Variants in HEATR4 observed in about 807,000 individuals in gnomAD.
HEATR4 encodes the protein HEAT repeat containing 4.
In HEATR4, 95 loss-of-function variants were observed where a neutral mutation model predicts 108.8. The ratio of observed to expected loss-of-function variants is 0.87; its 90% CI spans 0.74 to 1.04. The LOEUF is 1.04. HEATR4 is among the 50% of genes least tolerant of loss of function. The pLI, the probability that HEATR4 is intolerant of heterozygous loss-of-function variation, is 0.00. For synonymous variants in HEATR4, 443 were observed against 459.4 expected (o/e 0.96, Z 0.46); for missense variants, 1,152 against 1,253.8 (o/e 0.92, Z 1.23).
the HEATR4 span, among the ~76,000 whole-genome samples, chr14:73,607,635 T>C: frequency 6.6e-6 from 1 of 152,124 alleles, no homozygotes; most frequent in Admixed American, 6.5e-5. Context: ...CTTTCTTTTT[T>C]TTTTGGAGGA....
chr14:73,499,008 T>C (rs936230952), intron 13 of HEATR4, 63 bp downstream of exon 13: 99 of 1,426,632 alleles, frequency 6.9e-5, no homozygotes, highest in Middle Eastern at 1.7e-4. Context: ...CAGGGGATCA[T>C]TTCTACTTGC....
At chr14:73,588,322 G>A in the HEATR4 span, among the ~76,000 whole-genome samples, 29 of 151,870 alleles carry the variant, frequency 1.9e-4, no homozygotes, top group Middle Eastern at 3.4e-3. Context: ...TTTTAAAAGC[G>A]TCCTTTCCTG....
At chr14:73,591,887 C>T in the HEATR4 span, 5 of 1,307,988 alleles carry the variant, frequency 3.8e-6, no homozygotes, top group African/African-American at 1.6e-5. Context: ...GCCGTCCGGA[C>T]ATTCGGCGCG....
chr14:73,618,143 C>CA, the HEATR4 span, among the ~76,000 whole-genome samples: 20 of 150,008 alleles, frequency 1.3e-4, 1 homozygote, highest in South Asian at 3.0e-3. Flanking sequence ...AACCCCATCT[C>CA]AAAAAAAAAC....
chr14:73,488,141 T>C (rs745967301), intron 17 of HEATR4, among the ~76,000 whole-genome samples: 1 of 152,172 alleles, frequency 6.6e-6, no homozygotes, highest in Non-Finnish European at 1.5e-5. Flanking sequence ...TTTGGCTCTG[T>C]GTCCCCACCC....
In HEATR4 at chr14:73,537,208, G is replaced by A; in HGVS notation, c.-151-6964C>T. The A allele has an allele frequency of 9.3e-6, 4 of 432,042 alleles. 1 individual carries two copies. Among genetic ancestry groups the A allele is most frequent in the Non-Finnish European group, 1.5e-5 (4 of 268,556 alleles). The allele number at this position is 432,042 out of a possible 1,614,324, so 26.8% of individuals were successfully genotyped here. A position where few individuals can be genotyped will look rare whatever the true frequency, so the allele number is the denominator to read the frequency against. Reference sequence around the variant, plus strand: ...AGTTGCTTTCCAACATAAAGTGGAGGTTTCAACACAGGAGACTTTAAGCAA... The same window carrying A: ...AGTTGCTTTCCAACATAAAGTGGAGATTTCAACACAGGAGACTTTAAGCAA... On this transcript the variant is annotated intron_variant, in intron 1 of 17. Transcript: ENST00000553558.
At chr14:73,584,403 C>T in the HEATR4 span, among the ~76,000 whole-genome samples, 58 of 152,008 alleles carry the variant, frequency 3.8e-4, no homozygotes, top group East Asian at 7.7e-4. Context: ...GAAGTTGCTG[C>T]AGACCTGTAC....
At chr14:73,586,241 A>G in the HEATR4 span, among the ~76,000 whole-genome samples, 1 of 150,880 alleles carries the variant, frequency 6.6e-6, no homozygotes, top group African/African-American at 2.4e-5. Context: ...TAAACATACA[A>G]AATTAGCTGG....
rs1229100147 is a variant in HEATR4 at position 73,524,306 on chromosome 14, A to T, written c.-72-1082T>A. Among the ~76,000 whole-genome samples the T allele has an allele frequency of 6.9e-3, 630 of 90,766 alleles. 8 individuals are homozygous for T. The highest frequency in any genetic ancestry group is 0.026 in the African/African-American group (461 of 17,458). The allele number at this position is 90,766 out of a possible 152,430, so 59.5% of individuals were successfully genotyped here. On this transcript the variant is annotated intron_variant, in intron 2 of 17. Transcript: ENST00000553558. ...AAAACTCCGTCTCAAAAAAAAAAAA[A>T]AAAAATATATATATATATATATATA...
chr14:73,630,288 G>A, the HEATR4 span, among the ~76,000 whole-genome samples: 200 of 152,200 alleles, frequency 1.3e-3, no homozygotes, highest in African/African-American at 4.6e-3. Flanking sequence ...TGGTGTTATC[G>A]CTACTGCACA....
chr14:73,529,417 A>T (rs2140304570), intron 2 of HEATR4, among the ~76,000 whole-genome samples: 1 of 151,844 alleles, frequency 6.6e-6, no homozygotes, highest in East Asian at 1.9e-4. Context: ...AGGCCCTGGA[A>T]TGAGCAACCC....
At chr14:73,590,000 G>A in the HEATR4 span, among the ~76,000 whole-genome samples, 1 of 152,204 alleles carries the variant, frequency 6.6e-6, no homozygotes, top group African/African-American at 2.4e-5. Flanking sequence ...TTCGCAATGA[G>A]TGTTACAGCT....
At chr14:73,558,371 T>TTTTTTGTTTG (rs1491536769) in intron 1 of HEATR4, among the ~76,000 whole-genome samples, 33 of 32,744 alleles carry the variant, frequency 1.0e-3, no homozygotes, top group Non-Finnish European at 1.3e-3. Context: ...CCTTGATTTG[T>TTTTTTGTTTG]TTTTTTTTTT....
the HEATR4 span, chr14:73,591,730 C>CG: frequency 2.4e-6 from 1 of 411,874 alleles, no homozygotes; most frequent in East Asian, 3.7e-5. Context: ...TTGCGCGCCC[C>CG]GGGGCCCAAG....
intron 4 of HEATR4, among the ~76,000 whole-genome samples, chr14:73,519,747 A>G (rs1237364491): frequency 6.6e-6 from 1 of 151,504 alleles, no homozygotes; most frequent in Non-Finnish European, 1.5e-5. Flanking sequence ...GCTGGGCACC[A>G]TGGCTCACGC....
intron 3 of HEATR4, 126 bp from the exon 4 acceptor site, chr14:73,521,165 A>G (rs777922947): frequency 1.6e-4 from 127 of 789,224 alleles, no homozygotes; most frequent in Middle Eastern, 3.8e-4. Context: ...AGCATTGCAG[A>G]ACACCAATGT....
At chr14:73,579,974 T>C in the HEATR4 span, among the ~76,000 whole-genome samples, 11 of 152,020 alleles carry the variant, frequency 7.2e-5, no homozygotes, top group Non-Finnish European at 1.3e-4. Context: ...GGTGTGCACC[T>C]GTAGTCCCAG....
At chr14:73,524,476 G>C (rs1888209039) in intron 2 of HEATR4, among the ~76,000 whole-genome samples, 1 of 150,648 alleles carries the variant, frequency 6.6e-6, no homozygotes, top group African/African-American at 2.5e-5. Context: ...GTTTAGTTTT[G>C]TTTTGTTTTC....
chr14:73,478,791 G>C lies in HEATR4; in HGVS notation c.2896C>G (p.Leu966Val), dbSNP rs138661709. The change falls in exon 18 of 18, where the codon CTA (leucine) becomes GTA (valine). Residue 966 changes from leucine (L) to valine (V), a missense_variant. Transcript: ENST00000553558. ...GAACGAACTTTGCTTCGTGTGGTTA[G>C]GCCTGGGACTGAACTTTGTAACCAG... ...NPWLQSSVPG[L>V]TTRSKVRSSL... 12 of 1,613,018 alleles carry C rather than the reference G, an allele frequency of 7.4e-6. No individual in the cohort carries two copies. In the East Asian group the frequency reaches 2.5e-4, roughly 33 times the overall value.
Sources: allele counts gnomAD v4.1 joint callset (sites outside exome capture counted in the v4.1 genomes callset), GRCh38; gene constraint gnomAD v4.1.1; transcripts MANE v1.5; gene names NCBI Gene and HGNC (gene_info 2026-07-23, HGNC 2026-07-21).